RALGAPA1: variants seen among roughly 807,000 people sequenced by gnomAD.
The protein encoded by RALGAPA1 is Ral GTPase activating protein catalytic subunit alpha 1.
Under a neutral mutation model 269.6 loss-of-function variants are expected in RALGAPA1, and 52 were observed. That is an observed-to-expected ratio of 0.19 (90% CI 0.15 to 0.24). The LOEUF (loss-of-function observed/expected upper bound fraction) is 0.24. RALGAPA1 is among the 10% of genes least tolerant of loss of function. RALGAPA1 has a pLI of 1.00. For missense variants in RALGAPA1, 1,917 were observed against 3,013.9 expected (o/e 0.64, Z 8.52); for synonymous variants, 817 against 1,008.3 (o/e 0.81, Z 3.60).
intron 36 of RALGAPA1, among the ~76,000 whole-genome samples, chr14:35,604,362 C>G (rs11625294): frequency 0.25 from 38,201 of 151,638 alleles, 5,342 homozygotes; most frequent in Admixed American, 0.35. Flanking sequence ...AATTAGGTAT[C>G]AATAACGATA....
intron 33 of RALGAPA1, among the ~76,000 whole-genome samples, chr14:35,629,030 C>G (rs1242264690): frequency 6.6e-6 from 1 of 151,964 alleles, no homozygotes; most frequent in Non-Finnish European, 1.5e-5. Flanking sequence ...AACACAGAGA[C>G]AGTAACGAGG....
At chr14:35,620,700 C>T (rs191583161) in intron 35 of RALGAPA1, among the ~76,000 whole-genome samples, 1 of 152,176 alleles carries the variant, frequency 6.6e-6, no homozygotes, top group South Asian at 2.1e-4. Context: ...AAATCACAAG[C>T]ATTCCTATAC....
In RALGAPA1 at chr14:35,688,514, A is replaced by G. The variant is rs1020537064; in HGVS notation, c.3897T>C (p.Ala1299=). Residue 1299 remains alanine (A), a synonymous_variant, in exon 18 of 42, where the codon GCT becomes GCC. Coordinates refer to ENST00000680220, the MANE Select transcript of RALGAPA1 (RefSeq NM_001346249.2). The part of the protein sequence containing the change: ...PQRQNRMPPE[A]PLRDLYSHVM... ...CATGACTGTACAGATCCCTCAGTGG[A>G]GCCTCTGGTGGCATTCTGTTCTGCC... 6 of 1,535,958 alleles carry G rather than the reference A, an allele frequency of 3.9e-6. No individual in the cohort carries two copies. In the African/African-American group the frequency reaches 8.2e-5, roughly 21 times the overall value.
chr14:35,720,517 A>G (rs2069300523), intron 16 of RALGAPA1, among the ~76,000 whole-genome samples: 1 of 152,210 alleles, frequency 6.6e-6, no homozygotes, highest in African/African-American at 2.4e-5. Context: ...ATACATTCCC[A>G]TGGAAAATTC....
At chr14:35,721,292 A>G (rs1294410959) in intron 16 of RALGAPA1, among the ~76,000 whole-genome samples, 1 of 152,214 alleles carries the variant, frequency 6.6e-6, no homozygotes, top group Non-Finnish European at 1.5e-5. Context: ...TGTGAAACTA[A>G]TCTACTATAT....
chr14:35,688,714 CTG>C lies in RALGAPA1; in HGVS notation c.3695_3696del (p.Thr1232ArgfsTer15). ...SVSSKTVKES[T>X]EIPTTILQKE... ...TTTTGTAATATGGTGGTGGGAATCT[CTG>C]TGGATTCCTTCACTGTTTTGCTGCT... is the stretch of plus-strand genomic sequence containing the variant. On this transcript the variant is annotated frameshift_variant, in exon 18 of 42. Coordinates refer to ENST00000680220, the MANE Select transcript of RALGAPA1 (RefSeq NM_001346249.2). LOFTEE classifies it high-confidence loss of function. The C allele has an allele frequency of 6.8e-7, 1 of 1,473,716 alleles. No homozygotes were observed. The highest frequency in any genetic ancestry group is 8.9e-7 in the Non-Finnish European group (1 of 1,118,768). 91.3% of individuals were successfully genotyped at this position (1,473,716 alleles called of 1,614,324 possible).
At chr14:35,551,437 G>T (rs1479681011) in intron 39 of RALGAPA1, among the ~76,000 whole-genome samples, 2 of 152,092 alleles carry the variant, frequency 1.3e-5, no homozygotes, top group Non-Finnish European at 2.9e-5. Flanking sequence ...AAAGGCTGAA[G>T]GCCCACAGGA....
intron 17 of RALGAPA1, among the ~76,000 whole-genome samples, chr14:35,693,549 G>C (rs945911559): frequency 6.6e-6 from 1 of 151,776 alleles, no homozygotes; most frequent in Non-Finnish European, 1.5e-5. Flanking sequence ...AGAGAAGAAC[G>C]ATCACCCATG....
intron 41 of RALGAPA1, among the ~76,000 whole-genome samples, chr14:35,544,445 A>G (rs1027558735): frequency 1.3e-5 from 2 of 152,210 alleles, no homozygotes; most frequent in Non-Finnish European, 2.9e-5. Flanking sequence ...GACTCTGGGT[A>G]AGCATTTTTT....
chr14:35,634,872 T>G lies in RALGAPA1; in HGVS notation c.5812-115A>C. The G allele has an allele frequency of 1.2e-5, 13 of 1,057,426 alleles. 1 individual carries two copies. The South Asian group carries it at 2.7e-4, about 22-fold the overall frequency. The allele number at this position is 1,057,426 out of a possible 1,614,324, so 65.5% of individuals were successfully genotyped here. On this transcript the variant is annotated intron_variant, in intron 32 of 41. Transcript: ENST00000680220. Reference sequence around the variant, plus strand: ...AAGAGCCTGGCAAAGATTTTAAATATTTTAAAACATCAGGCCTGGCACAGT... The same window carrying G: ...AAGAGCCTGGCAAAGATTTTAAATAGTTTAAAACATCAGGCCTGGCACAGT...
At chr14:35,726,149 T>C (rs573519590) in intron 13 of RALGAPA1, among the ~76,000 whole-genome samples, 2 of 152,302 alleles carry the variant, frequency 1.3e-5, no homozygotes, top group South Asian at 4.1e-4. Context: ...GTGAGAAATG[T>C]GGCAGGGGCG....
At chr14:35,573,134 T>G (rs750510307) in intron 37 of RALGAPA1, among the ~76,000 whole-genome samples, 1 of 152,184 alleles carries the variant, frequency 6.6e-6, no homozygotes, top group Non-Finnish European at 1.5e-5. Flanking sequence ...TCTTTGCCCA[T>G]GAAACTCAAA....
chr14:35,597,126 C>A (rs2058974179), intron 36 of RALGAPA1, among the ~76,000 whole-genome samples: 1 of 152,112 alleles, frequency 6.6e-6, no homozygotes, highest in Non-Finnish European at 1.5e-5. Flanking sequence ...GCAAATAACA[C>A]TGAACTCATA....
intron 2 of RALGAPA1, 79 bp from the exon 3 acceptor site, chr14:35,775,134 G>GT: frequency 1.2e-6 from 1 of 841,722 alleles, no homozygotes; most frequent in Non-Finnish European, 1.9e-6. Context: ...CAAGAATGAA[G>GT]GTTTTTTTTT....
intron 41 of RALGAPA1, among the ~76,000 whole-genome samples, chr14:35,543,522 T>A (rs553051104): frequency 6.6e-6 from 1 of 152,358 alleles, no homozygotes; most frequent in South Asian, 2.1e-4. Flanking sequence ...AACCTTATAT[T>A]AAAGGTTAAA....
intron 7 of RALGAPA1, among the ~76,000 whole-genome samples, chr14:35,753,658 T>C (rs2072928791): frequency 2.6e-5 from 4 of 151,874 alleles, no homozygotes; most frequent in Admixed American, 2.6e-4. Flanking sequence ...AGACAGAAAA[T>C]CAATTCATGT....
chr14:35,689,006 A>G lies in RALGAPA1; in HGVS notation c.3405T>C (p.His1135=), dbSNP rs2066233725. ...TKRSLSETVT[H]RAKIMKIATK... The stretch of plus-strand genomic sequence containing the variant: ...TAGCAATTTTCATGATTTTGGCTCT[A>G]TGAGTTACTGTTTCAGACAAGCTCC... The change falls in exon 18 of 42, where the codon CAT becomes CAC. Residue 1135 remains histidine (H), a synonymous_variant. Coordinates refer to ENST00000680220, the MANE Select transcript of RALGAPA1 (RefSeq NM_001346249.2). 1.6e-6 allele frequency: 2 copies of G among 1,236,830 alleles called. No homozygotes were observed. The highest frequency in any genetic ancestry group is 2.0e-6 in the Non-Finnish European group (2 of 990,730). The allele number at this position is 1,236,830 out of a possible 1,614,324, so 76.6% of individuals were successfully genotyped here. A position where few individuals can be genotyped will look rare whatever the true frequency, so the allele number is the denominator to read the frequency against.
chr14:35,659,346 TAAATA>T, intron 27 of RALGAPA1, 150 bp from the exon 28 acceptor site: 1 of 475,078 alleles, frequency 2.1e-6, no homozygotes, highest in Non-Finnish European at 3.6e-6. Flanking sequence ...AGTAGCTAAA[TAAATA>T]AAAGTTTCTG....
intron 33 of RALGAPA1, among the ~76,000 whole-genome samples, chr14:35,632,927 G>A (rs1436293696): frequency 6.6e-6 from 1 of 152,172 alleles, no homozygotes. Flanking sequence ...AGAATCATGT[G>A]CTGTTAGCTC....
Sources: gnomAD v4.1 joint callset for allele counts (sites outside exome capture counted in the v4.1 genomes callset) on GRCh38, gnomAD v4.1.1 for gene constraint, MANE v1.5 for transcripts, NCBI Gene and HGNC (gene_info 2026-07-23, HGNC 2026-07-21) for gene names.